The following LAMA1 variants were observed in gnomAD, a reference collection of about 807,000 sequenced individuals.
LAMA1 encodes laminin subunit alpha-1.
In LAMA1, 219 loss-of-function variants were observed where a neutral mutation model predicts 348.7. That is an observed-to-expected ratio of 0.63 (90% CI 0.56 to 0.70). The LOEUF (loss-of-function observed/expected upper bound fraction) is 0.70. LAMA1 is among the 30% of genes least tolerant of loss of function. The pLI is 0.00. For synonymous variants in LAMA1, 1,487 were observed against 1,491.0 expected (o/e 1.00, Z 0.06); for missense variants, 3,744 against 3,888.0 (o/e 0.96, Z 0.99).
chr18:7,011,621 A>C, intron 24 of LAMA1, 142 bp from the exon 25 acceptor site: 1 of 926,196 alleles, frequency 1.1e-6, no homozygotes, highest in Non-Finnish European at 1.7e-6. Flanking sequence ...CCTTTAAACT[A>C]AACATCTGGA....
At chr18:6,998,742 C>A (rs2057793885) in intron 32 of LAMA1, among the ~76,000 whole-genome samples, 2 of 152,148 alleles carry the variant, frequency 1.3e-5, no homozygotes, top group South Asian at 4.1e-4. Context: ...TTTACAAAAG[C>A]CCACGACAGG....
At chr18:7,031,890 C>CAA (rs374131975) in intron 16 of LAMA1, among the ~76,000 whole-genome samples, 176 bp downstream of exon 16, 62,474 of 138,046 alleles carry the variant, frequency 0.45, 14,221 homozygotes, top group African/African-American at 0.59. Flanking sequence ...AAAAAAAAAA[C>CAA]AAAAAAAAAA....
At chr18:7,027,856 T>C (rs540829073) in intron 16 of LAMA1, among the ~76,000 whole-genome samples, 1 of 152,168 alleles carries the variant, frequency 6.6e-6, no homozygotes, top group South Asian at 2.1e-4. Flanking sequence ...GGTGGGAGAA[T>C]TGCATGAACC....
In LAMA1 at chr18:6,967,872, G is replaced by A. The variant is rs145631981; in HGVS notation, c.6900-1575C>T. ...CTGTGAGCCCTCCTCTCTCAAGAAC[G>A]CGGGGGCTCTGCTACTGGGTTCTCT... On this transcript the variant is annotated intron_variant, in intron 48 of 62. Transcript: ENST00000389658. Among the ~76,000 whole-genome samples the A allele has an allele frequency of 4.7e-3, 715 of 152,048 alleles. 8 individuals carry two copies. Among genetic ancestry groups the A allele is most frequent in the African/African-American group, 0.016 (662 of 41,518 alleles).
At chr18:7,031,725 T>C (rs1161061440) in intron 16 of LAMA1, among the ~76,000 whole-genome samples, 1 of 117,870 alleles carries the variant, frequency 8.5e-6, no homozygotes, top group Non-Finnish European at 1.7e-5. Context: ...CTAAAGATCC[T>C]ATGCTTTGTA....
intron 3 of LAMA1, among the ~76,000 whole-genome samples, chr18:7,065,353 T>C (rs1262700751): frequency 3.3e-5 from 5 of 151,994 alleles, no homozygotes; most frequent in Non-Finnish European, 7.4e-5. Flanking sequence ...CTAAAACTTC[T>C]CTAAAAAATA....
intron 25 of LAMA1, 139 bp from the exon 26 acceptor site, chr18:7,010,524 T>A: frequency 1.2e-6 from 1 of 825,474 alleles, no homozygotes; most frequent in Non-Finnish European, 2.0e-6. Context: ...GTCTGGAATT[T>A]GCTTCCTTCT....
At chr18:6,983,564 C>T (rs112494926) in intron 39 of LAMA1, among the ~76,000 whole-genome samples, 1 of 152,184 alleles carries the variant, frequency 6.6e-6, no homozygotes, top group Non-Finnish European at 1.5e-5. Flanking sequence ...ATCCCCTGCG[C>T]GTGTCTAGGG....
chr18:7,051,362 T>A (rs562305500), intron 3 of LAMA1, among the ~76,000 whole-genome samples: 28 of 152,270 alleles, frequency 1.8e-4, no homozygotes, highest in Admixed American at 4.6e-4. Flanking sequence ...ATAATTTTTT[T>A]AAAAAATAGA....
intron 1 of LAMA1, among the ~76,000 whole-genome samples, chr18:7,106,198 C>T (rs1367321526): frequency 2.0e-5 from 3 of 152,136 alleles, no homozygotes; most frequent in Admixed American, 2.0e-4. Flanking sequence ...CTGCGGTGGG[C>T]AGGACGGGAT....
intron 3 of LAMA1, among the ~76,000 whole-genome samples, chr18:7,058,951 A>C (rs59559652): frequency 1.3e-5 from 2 of 152,052 alleles, no homozygotes; most frequent in African/African-American, 4.8e-5. Context: ...GTGCAATGGC[A>C]CAATCTCGAC....
At chr18:7,007,972 A>G (rs894333884) in intron 28 of LAMA1, among the ~76,000 whole-genome samples, 3 of 151,578 alleles carry the variant, frequency 2.0e-5, no homozygotes, top group South Asian at 2.1e-4. Context: ...TCTCTCTGTC[A>G]CTCAGGCTGG....
At chr18:7,072,349 T>G (rs550826651) in intron 3 of LAMA1, among the ~76,000 whole-genome samples, 1 of 152,344 alleles carries the variant, frequency 6.6e-6, no homozygotes, top group Admixed American at 6.5e-5. Context: ...TTAGGTACTC[T>G]ACATCCTTCA....
At chr18:7,044,507 T>C (rs1191541777) in intron 7 of LAMA1, among the ~76,000 whole-genome samples, 1 of 152,082 alleles carries the variant, frequency 6.6e-6, no homozygotes, top group African/African-American at 2.4e-5. Context: ...TAATAGACTA[T>C]ACGGGAAGGG....
At chr18:7,088,249 C>T (rs2058225600) in intron 1 of LAMA1, among the ~76,000 whole-genome samples, 2 of 152,152 alleles carry the variant, frequency 1.3e-5, no homozygotes, top group Admixed American at 1.3e-4. Flanking sequence ...CCTCCGTCCT[C>T]CCTGCCCTTT....
intron 4 of LAMA1, among the ~76,000 whole-genome samples, chr18:7,049,994 C>T (rs770545764): frequency 1.8e-4 from 28 of 152,308 alleles, no homozygotes; most frequent in Non-Finnish European, 3.1e-4. Context: ...CCGTTTCTCT[C>T]CAAGTGGTTA....
chr18:7,058,691 C>T (rs1598300827), intron 3 of LAMA1, among the ~76,000 whole-genome samples: 1 of 152,198 alleles, frequency 6.6e-6, no homozygotes, highest in South Asian at 2.1e-4. Context: ...AAGAAACCGA[C>T]TCTGCTGACA....
At chr18:7,016,427 G>A in intron 21 of LAMA1, 64 bp downstream of exon 21, 1 of 1,586,098 alleles carries the variant, frequency 6.3e-7, no homozygotes. Flanking sequence ...TGGAAGTAGA[G>A]GGAGGGCCCA....
chr18:6,986,372 A>T, intron 36 of LAMA1, 25 bp from the exon 37 acceptor site: 1 of 1,606,420 alleles, frequency 6.2e-7, no homozygotes, highest in Non-Finnish European at 8.5e-7. Context: ...TGGTTCACAT[A>T]GTAAGTAAAT....
Sources: gnomAD v4.1 joint callset for allele counts (sites outside exome capture counted in the v4.1 genomes callset) on GRCh38, gnomAD v4.1.1 for gene constraint, MANE v1.5 for transcripts, NCBI Gene and HGNC (gene_info 2026-07-23, HGNC 2026-07-21) for gene names.